RBFOX1: variants seen among roughly 807,000 people sequenced by gnomAD.
RBFOX1 encodes RNA binding fox-1 homolog 1, also known as RNA binding protein fox-1 homolog 1.
Under a neutral mutation model 57.7 loss-of-function variants are expected in RBFOX1, and 8 were observed. That is an observed-to-expected ratio of 0.14 (90% CI 0.08 to 0.25). The LOEUF (loss-of-function observed/expected upper bound fraction) is 0.25, where lower values mean the gene tolerates loss of function less well. Ranked by LOEUF, RBFOX1 falls within the 10% of genes least tolerant of loss-of-function variation. The pLI, the probability that RBFOX1 is intolerant of heterozygous loss-of-function variation, is 1.00. For missense variants in RBFOX1, 611 were observed against 548.5 expected, an observed-to-expected ratio of 1.11 and a Z score of -1.14; for synonymous variants, 326 against 222.4, an observed-to-expected ratio of 1.47 and a Z score of -4.15.
chr16:5,993,297 A>G (rs2060433226), intron 4 of RBFOX1, among the ~76,000 whole-genome samples: 1 of 152,062 alleles, frequency 6.6e-6, no homozygotes, highest in Admixed American at 6.5e-5. Flanking sequence ...GAAAACCACA[A>G]GAGAGAATGT....
At chr16:6,268,029 C>G (rs920962167) in intron 1 of RBFOX1, among the ~76,000 whole-genome samples, 1 of 152,142 alleles carries the variant, frequency 6.6e-6, no homozygotes, top group Non-Finnish European at 1.5e-5. Context: ...CATAAAGAGC[C>G]TATTAATATT....
chr16:6,380,450 A>G (rs1229126314), intron 2 of RBFOX1, among the ~76,000 whole-genome samples: 4 of 97,628 alleles, frequency 4.1e-5, no homozygotes, highest in Non-Finnish European at 6.0e-5. Flanking sequence ...TTTTTTTAGT[A>G]GAACTCAGCA....
At chr16:7,000,049 G>A (rs1303868026) in intron 3 of RBFOX1, among the ~76,000 whole-genome samples, 1 of 145,306 alleles carries the variant, frequency 6.9e-6, no homozygotes, top group Non-Finnish European at 1.5e-5. Context: ...TCCAGCCTGG[G>A]CAACAGGGAG....
At chr16:5,307,978 A>G (rs1423277818) in intron 1 of RBFOX1, among the ~76,000 whole-genome samples, 3 of 152,190 alleles carry the variant, frequency 2.0e-5, no homozygotes, top group Non-Finnish European at 4.4e-5. Context: ...GTGCCTGACT[A>G]TAATAGCTGT....
intron 2 of RBFOX1, among the ~76,000 whole-genome samples, chr16:6,365,018 T>C (rs2089311800): frequency 6.6e-6 from 1 of 152,160 alleles, no homozygotes; most frequent in Non-Finnish European, 1.5e-5. Context: ...CTCCTTCACT[T>C]GTAGCATCTC....
At chr16:6,994,630 C>A (rs920538566) in intron 3 of RBFOX1, among the ~76,000 whole-genome samples, 4 of 152,144 alleles carry the variant, frequency 2.6e-5, no homozygotes, top group African/African-American at 7.2e-5. Context: ...TTGATTACAT[C>A]AATAATTCAA....
At chr16:7,028,518 C>T (rs975102131) in intron 3 of RBFOX1, among the ~76,000 whole-genome samples, 7 of 136,652 alleles carry the variant, frequency 5.1e-5, no homozygotes, top group African/African-American at 1.4e-4. Context: ...ACCCGGGAGG[C>T]GGAGGTTGCA....
chr16:5,977,200 C>G (rs192861306), intron 4 of RBFOX1, among the ~76,000 whole-genome samples: 1 of 152,274 alleles, frequency 6.6e-6, no homozygotes, highest in Admixed American at 6.5e-5. Flanking sequence ...GTTGCTGCTC[C>G]TTCCAAAAAC....
At chr16:6,807,169 G>T (rs1228421516) in intron 3 of RBFOX1, among the ~76,000 whole-genome samples, 1 of 151,828 alleles carries the variant, frequency 6.6e-6, no homozygotes, top group African/African-American at 2.4e-5. Context: ...TGGTTACAAT[G>T]TGAGAAACAG....
intron 1 of RBFOX1, among the ~76,000 whole-genome samples, chr16:5,342,916 C>T (rs1021860293): frequency 6.6e-6 from 1 of 151,644 alleles, no homozygotes; most frequent in Non-Finnish European, 1.5e-5. Flanking sequence ...CCCTACCCCA[C>T]AAGCCAAGAT....
In RBFOX1 at chr16:7,424,090, C is replaced by G. The variant is rs375946629; in HGVS notation, c.28-94057C>G. 2.3e-4 allele frequency among the ~76,000 whole-genome samples: 35 copies of G among 152,230 alleles called. No individual in the cohort carries two copies. In the East Asian group the frequency reaches 6.2e-3, roughly 27 times the overall value. ...ATTATTTCTTTGGTTTATTCTGAGT[C>G]TCTTTTTTAAGCATTCAGAGCTTCT... On this transcript the variant is annotated intron_variant, in intron 4 of 15. Coordinates refer to ENST00000550418, the MANE Select transcript of RBFOX1 (RefSeq NM_018723.4).
chr16:7,340,084 C>A (rs772045176), intron 4 of RBFOX1, among the ~76,000 whole-genome samples: 14 of 152,196 alleles, frequency 9.2e-5, no homozygotes, highest in Non-Finnish European at 1.9e-4. Flanking sequence ...CCAAATCAAT[C>A]ATCTAATCTC....
chr16:5,277,622 T>C (rs1009010788), intron 1 of RBFOX1, among the ~76,000 whole-genome samples: 11 of 152,270 alleles, frequency 7.2e-5, no homozygotes, highest in African/African-American at 2.6e-4. Context: ...ATGACATCAA[T>C]TTTATATAGC....
chr16:6,457,438 T>TTCCCCCCCCC (rs757540836), intron 2 of RBFOX1, among the ~76,000 whole-genome samples: 6 of 54,226 alleles, frequency 1.1e-4, no homozygotes, highest in South Asian at 6.4e-4. Context: ...TTTCCGGAAG[T>TTCCCCCCCCC]CCCCCCCCCC....
At chr16:7,412,817 C>A (rs538705267) in intron 4 of RBFOX1, among the ~76,000 whole-genome samples, 1 of 152,096 alleles carries the variant, frequency 6.6e-6, no homozygotes, top group Admixed American at 6.5e-5. Context: ...CCGAGGCAGG[C>A]GGACTGCGAG....
At chr16:6,031,891 A>AGG (rs1344293894) in intron 1 of RBFOX1, among the ~76,000 whole-genome samples, 1 of 152,162 alleles carries the variant, frequency 6.6e-6, no homozygotes, top group East Asian at 1.9e-4. Context: ...GGCAGACCCC[A>AGG]GCCTTATGAA....
Position 6,338,202 on chromosome 16 carries a change from C to G in RBFOX1, c.-64+21145C>G, listed in dbSNP as rs565718699. ...TACATTTTATGAATATTTTCCCCAC[C>G]TCTTCACTTGAATACCTTCCCACTG... is the stretch of plus-strand genomic sequence containing the variant. On this transcript the variant is annotated intron_variant, in intron 2 of 15. Coordinates refer to ENST00000550418, the MANE Select transcript of RBFOX1 (RefSeq NM_018723.4). 1.9e-4 allele frequency among the ~76,000 whole-genome samples: 29 copies of G among 152,142 alleles called. 1 individual carries two copies. Among genetic ancestry groups the G allele is most frequent in the Non-Finnish European group, 4.1e-4 (28 of 68,034 alleles).
intron 2 of RBFOX1, among the ~76,000 whole-genome samples, chr16:5,597,564 C>G (rs1174345048): frequency 1.3e-5 from 2 of 151,778 alleles, no homozygotes; most frequent in African/African-American, 4.8e-5. Context: ...CACAGCCTGG[C>G]TGATTTTGTA....
At chr16:7,205,626 A>T (rs2089798404) in intron 4 of RBFOX1, among the ~76,000 whole-genome samples, 1 of 152,244 alleles carries the variant, frequency 6.6e-6, no homozygotes, top group Non-Finnish European at 1.5e-5. Context: ...TGTGTTTACA[A>T]AATACGATAC....
Sources: allele counts gnomAD v4.1 joint callset (sites outside exome capture counted in the v4.1 genomes callset), GRCh38; gene constraint gnomAD v4.1.1; transcripts MANE v1.5; gene names NCBI Gene and HGNC (gene_info 2026-07-23, HGNC 2026-07-21).